The following RDX variants were observed in gnomAD, a reference collection of about 807,000 sequenced individuals.
RDX encodes deafness, autosomal recessive 24.
Under a neutral mutation model 83.7 loss-of-function variants are expected in RDX, and 32 were observed. The ratio of observed to expected loss-of-function variants is 0.38; its 90% confidence interval spans 0.29 to 0.51. RDX has a LOEUF of 0.51. Ranked by LOEUF, RDX falls within the 20% of genes least tolerant of loss-of-function variation. The probability of loss-of-function intolerance (pLI) is 0.87; values close to 1 mark genes in which losing one functional copy is unlikely to be tolerated. For synonymous variants in RDX, 229 were observed against 222.7 expected, an observed-to-expected ratio of 1.03 and a Z score of -0.25; for missense variants, 600 against 689.9, an observed-to-expected ratio of 0.87 and a Z score of 1.46.
At chr11:110,201,626 G>T (rs1207246810) in intron 14 of RDX, among the ~76,000 whole-genome samples, 1 of 152,208 alleles carries the variant, frequency 6.6e-6, no homozygotes, top group Non-Finnish European at 1.5e-5. Context: ...TCACAACACA[G>T]GAGGCTCAGG....
At chr11:110,260,424 T>C (rs115341290) in intron 5 of RDX, among the ~76,000 whole-genome samples, 18 of 152,146 alleles carry the variant, frequency 1.2e-4, no homozygotes, top group Non-Finnish European at 1.5e-5. Flanking sequence ...TTGGCTTCCA[T>C]GATATAATAC....
At chr11:110,275,782 C>CT (rs36018441) in intron 2 of RDX, among the ~76,000 whole-genome samples, 38,139 of 117,278 alleles carry the variant, frequency 0.33, 7,186 homozygotes, top group Non-Finnish European at 0.38. Context: ...TTTTACCATC[C>CT]TTTTTTTTTT....
downstream of RDX, among the ~76,000 whole-genome samples, chr11:110,226,050 G>C (rs1864422795): frequency 1.7e-5 from 2 of 115,152 alleles, no homozygotes. Context: ...TGGGCAACAA[G>C]AGCAAAACTC....
intron 2 of RDX, among the ~76,000 whole-genome samples, chr11:110,277,128 C>A (rs1043182796): frequency 2.0e-5 from 3 of 152,166 alleles, no homozygotes; most frequent in Non-Finnish European, 4.4e-5. Flanking sequence ...ATCAACAACA[C>A]ACAATTGATA....
intron 9 of RDX, among the ~76,000 whole-genome samples, chr11:110,252,779 CTTTTT>C (rs72493259): frequency 1.1e-5 from 1 of 92,486 alleles, no homozygotes; most frequent in African/African-American, 3.9e-5. Flanking sequence ...ACTCATTACT[CTTTTT>C]TTTATTTTTA....
rs150531810 is a variant in RDX at position 110,182,624 on chromosome 11, T to C, written c.*32-7390A>G. 9.6e-4 allele frequency among the ~76,000 whole-genome samples: 139 copies of C among 145,036 alleles called. 1 individual carries two copies. Among genetic ancestry groups the C allele is most frequent in the Non-Finnish European group, 1.5e-3 (104 of 67,918 alleles). The stretch of plus-strand genomic sequence containing the variant: ...TCAAACAACAACAACAACAACTTAT[T>C]GAATGAATGAATAGGAGAATGGTAA... On this transcript the variant is annotated intron_variant, in intron 15 of 15. Transcript: ENST00000528498.
intron 12 of RDX, among the ~76,000 whole-genome samples, chr11:110,235,457 G>T (rs1864808565): frequency 6.6e-6 from 1 of 151,994 alleles, no homozygotes; most frequent in South Asian, 2.1e-4. Flanking sequence ...CACATCCTCA[G>T]TTTGGGTCTT....
intron 3 of RDX, among the ~76,000 whole-genome samples, chr11:110,269,789 G>A (rs1331814798): frequency 6.6e-6 from 1 of 152,106 alleles, no homozygotes; most frequent in Non-Finnish European, 1.5e-5. Context: ...TGTAATCCTG[G>A]CACTTTGGGA....
chr11:110,226,336 T>C (rs1864435072), downstream of RDX, among the ~76,000 whole-genome samples: 1 of 152,144 alleles, frequency 6.6e-6, no homozygotes, highest in East Asian at 1.9e-4. Context: ...ACAAAATAAA[T>C]GAACCTTGCA....
intron 10 of RDX, among the ~76,000 whole-genome samples, chr11:110,240,947 T>G (rs1865069494): frequency 6.8e-6 from 1 of 146,952 alleles, no homozygotes; most frequent in Non-Finnish European, 1.5e-5. Flanking sequence ...CCTCAGCTAC[T>G]CAGGAGGCTG....
chr11:110,264,126 G>C lies in RDX; in HGVS notation c.301C>G (p.Leu101Val). The change falls in exon 5 of 14, where the codon CTC becomes GTC. Residue 101 changes from leucine (L) to valine (V), a missense_variant. Leu to Val is a conservative substitution (Grantham distance 32, BLOSUM62 1). Transcript: ENST00000645495. ...GCTTCTTTAACTTGCAAGAAGAAGA[G>C]TCTCTGGGTTATTTCTTGAATTAAT... Reference protein sequence around the residue: ...EELIQEITQRLFFLQVKEAIL... With the variant: ...EELIQEITQRVFFLQVKEAIL... 6.2e-7 allele frequency: 1 copy of C among 1,613,656 alleles called. No homozygotes were observed. Among genetic ancestry groups the C allele is most frequent in the Non-Finnish European group, 8.5e-7 (1 of 1,179,594 alleles).
Position 110,258,195 on chromosome 11 carries a change from AGGACC to A in RDX, c.468-11_468-7del. 6.5e-7 allele frequency: 1 copy of A among 1,547,952 alleles called. No homozygotes were observed. The highest frequency in any genetic ancestry group is 8.8e-7 in the Non-Finnish European group (1 of 1,134,390). ...GTTTGTGTTGTTCCAATACACTAAG[AGGACC>A]AAAAAAAAAAAAAAATTATAATGAC... On this transcript the variant is annotated splice_polypyrimidine_tract_variant and splice_region_variant and intron_variant, in intron 5 of 13. Coordinates refer to ENST00000645495, the MANE Select transcript of RDX (RefSeq NM_002906.4).
intron 9 of RDX, among the ~76,000 whole-genome samples, chr11:110,249,105 T>C (rs1859225711): frequency 6.6e-6 from 1 of 152,088 alleles, no homozygotes; most frequent in South Asian, 2.1e-4. Flanking sequence ...GGGGCAAAAA[T>C]ATAAAGAGGA....
chr11:110,279,513 A>C (rs1485913219), intron 2 of RDX, among the ~76,000 whole-genome samples, 168 bp downstream of exon 2: 3 of 152,212 alleles, frequency 2.0e-5, no homozygotes, highest in Non-Finnish European at 4.4e-5. Flanking sequence ...GCAACAGAGC[A>C]ACACTGTGTT....
At chr11:110,182,393 G>A (rs1281918718) in intron 15 of RDX, among the ~76,000 whole-genome samples, 1 of 152,174 alleles carries the variant, frequency 6.6e-6, no homozygotes, top group Non-Finnish European at 1.5e-5. Flanking sequence ...CTGGGCTCAG[G>A]AGTTTGAGAC....
intron 7 of RDX, among the ~76,000 whole-genome samples, chr11:110,257,213 TA>T (rs555203504): frequency 1.1e-4 from 17 of 151,608 alleles, no homozygotes; most frequent in African/African-American, 3.9e-4. Context: ...ATATGTATAA[TA>T]AAAAACTATT....
intron 15 of RDX, among the ~76,000 whole-genome samples, chr11:110,183,655 A>G (rs1288250858): frequency 1.3e-5 from 2 of 152,204 alleles, no homozygotes. Flanking sequence ...TGGTGAAGCC[A>G]TTACAAATAA....
intron 9 of RDX, among the ~76,000 whole-genome samples, chr11:110,250,341 T>C (rs1328864117): frequency 6.6e-6 from 1 of 152,196 alleles, no homozygotes; most frequent in Non-Finnish European, 1.5e-5. Context: ...TCTGCCACCC[T>C]AGGATGTTGA....
chr11:110,179,249 T>C (rs969336327), intron 15 of RDX, among the ~76,000 whole-genome samples: 28 of 152,232 alleles, frequency 1.8e-4, no homozygotes, highest in African/African-American at 6.8e-4. Flanking sequence ...CTTTTTGCCC[T>C]GTAACCATCC....
Sources: gnomAD v4.1 joint callset for allele counts (sites outside exome capture counted in the v4.1 genomes callset) on GRCh38, gnomAD v4.1.1 for gene constraint, MANE v1.5 for transcripts, NCBI Gene and HGNC (gene_info 2026-07-23, HGNC 2026-07-21) for gene names.